Variants in INSL6 observed in about 807,000 individuals in gnomAD.
INSL6 encodes the protein insulin-like peptide INSL6.
INSL6 carries 16 observed loss-of-function variants against 9.4 expected under a neutral mutation model. The observed-to-expected ratio is 1.70, with a 90% confidence interval of 1.15 to 2.59. INSL6 has a LOEUF of 2.59. Ranked by LOEUF, INSL6 falls within the 30% of genes most tolerant of loss-of-function variation. The pLI is 0.00. For missense variants in INSL6, 391 were observed against 257.3 expected, an observed-to-expected ratio of 1.52 and a Z score of -3.56; for synonymous variants, 154 against 96.9, an observed-to-expected ratio of 1.59 and a Z score of -3.46.
At chr9:5,017,202 C>A in the INSL6 span, among the ~76,000 whole-genome samples, 1 of 151,936 alleles carries the variant, frequency 6.6e-6, no homozygotes, top group African/African-American at 2.4e-5. Context: ...AGAGTGAGGG[C>A]AACATATTTT....
At chr9:5,004,983 C>T in the INSL6 span, among the ~76,000 whole-genome samples, 1 of 143,628 alleles carries the variant, frequency 7.0e-6, no homozygotes, top group Non-Finnish European at 1.5e-5. Flanking sequence ...GTGGTGTGAT[C>T]ATAGCTCACT....
the INSL6 span, among the ~76,000 whole-genome samples, chr9:5,037,250 C>G: frequency 6.6e-6 from 1 of 152,136 alleles, no homozygotes; most frequent in Non-Finnish European, 1.5e-5. Context: ...CATTTTTACA[C>G]TGTTGGTGGG....
At chr9:5,096,035 C>CA in the INSL6 span, among the ~76,000 whole-genome samples, 6 of 152,174 alleles carry the variant, frequency 3.9e-5, no homozygotes, top group East Asian at 1.9e-4. Context: ...CAAGAATTTT[C>CA]AAAAAACAAT....
chr9:5,115,975 G>A, the INSL6 span, among the ~76,000 whole-genome samples: 1 of 152,030 alleles, frequency 6.6e-6, no homozygotes. Context: ...GTTGATGGGT[G>A]CAGCAAACCA....
chr9:5,132,369 A>C (rs1437875323), intron 3 of INSL6, among the ~76,000 whole-genome samples: 1 of 152,164 alleles, frequency 6.6e-6, no homozygotes, highest in African/African-American at 2.4e-5. Flanking sequence ...ATTTTTTTCA[A>C]CATCTTTAAT....
intron 1 of INSL6, among the ~76,000 whole-genome samples, chr9:5,184,769 G>C (rs893297198): frequency 1.3e-5 from 2 of 152,162 alleles, no homozygotes; most frequent in Non-Finnish European, 2.9e-5. Context: ...CTATCTCCTG[G>C]TACGTGACCA....
the INSL6 span, among the ~76,000 whole-genome samples, chr9:5,071,767 C>T: frequency 6.6e-6 from 1 of 152,154 alleles, no homozygotes; most frequent in Non-Finnish European, 1.5e-5. Flanking sequence ...ATGTGAGTAA[C>T]AGGAAACAGA....
the INSL6 span, among the ~76,000 whole-genome samples, chr9:5,071,000 C>G: frequency 5.5e-4 from 84 of 152,242 alleles, no homozygotes; most frequent in East Asian, 9.6e-4. Flanking sequence ...AATTCACCCA[C>G]TAGCAAGCAG....
intron 3 of INSL6, among the ~76,000 whole-genome samples, chr9:5,128,607 A>G (rs1824154630): frequency 6.6e-6 from 1 of 151,864 alleles, no homozygotes; most frequent in African/African-American, 2.4e-5. Context: ...TTTCTTAAAC[A>G]TTTTTTTAAA....
chr9:5,173,652 A>C (rs1401551413), intron 1 of INSL6, among the ~76,000 whole-genome samples: 1 of 152,098 alleles, frequency 6.6e-6, no homozygotes, highest in Non-Finnish European at 1.5e-5. Context: ...AAAATAGCTA[A>C]TGCATGCTGA....
the INSL6 span, among the ~76,000 whole-genome samples, chr9:5,093,937 A>C: frequency 1.3e-5 from 2 of 152,150 alleles, no homozygotes; most frequent in South Asian, 4.1e-4. Flanking sequence ...GACAAGAGAA[A>C]TACGGCCCAC....
the INSL6 span, among the ~76,000 whole-genome samples, chr9:5,103,660 C>G: frequency 6.6e-6 from 1 of 151,962 alleles, no homozygotes; most frequent in African/African-American, 2.4e-5. Context: ...AAATAGACCA[C>G]ATAGAAGTAA....
chr9:5,042,248 C>T, the INSL6 span, among the ~76,000 whole-genome samples: 1 of 151,740 alleles, frequency 6.6e-6, no homozygotes, highest in Non-Finnish European at 1.5e-5. Context: ...CGCCATTCTC[C>T]TGCCTCAGCC....
chr9:5,066,077 T>C, the INSL6 span, among the ~76,000 whole-genome samples: 4 of 152,156 alleles, frequency 2.6e-5, no homozygotes, highest in Admixed American at 6.5e-5. Flanking sequence ...TGTGCAAGCA[T>C]TGGTTTGTAT....
At chr9:5,101,630 C>T in the INSL6 span, among the ~76,000 whole-genome samples, 1 of 152,200 alleles carries the variant, frequency 6.6e-6, no homozygotes, top group Non-Finnish European at 1.5e-5. Context: ...CAGTAGAGGC[C>T]AACTGACACC....
chr9:5,112,569 G>A, the INSL6 span: 2 of 656,934 alleles, frequency 3.0e-6, no homozygotes, highest in South Asian at 2.2e-5. Context: ...CCAGGGAGCG[G>A]CTGCGGGTCC....
intron 2 of INSL6, among the ~76,000 whole-genome samples, chr9:5,142,006 G>C (rs1824510656): frequency 6.6e-6 from 1 of 152,128 alleles, no homozygotes; most frequent in Non-Finnish European, 1.5e-5. Context: ...TGTCAGGTTT[G>C]TCGAAAATCA....
chr9:5,166,698 G>C (rs991984615), intron 1 of INSL6, among the ~76,000 whole-genome samples: 1 of 152,094 alleles, frequency 6.6e-6, no homozygotes, highest in East Asian at 1.9e-4. Context: ...AAAAAACACA[G>C]ATATGGGTGG....
At chr9:4,993,691 T>G in the INSL6 span, among the ~76,000 whole-genome samples, 1 of 152,186 alleles carries the variant, frequency 6.6e-6, no homozygotes, top group African/African-American at 2.4e-5. Flanking sequence ...CCATGAAGTT[T>G]CCTCAAGACC....
Sources: gnomAD v4.1 joint callset for allele counts (sites outside exome capture counted in the v4.1 genomes callset) on GRCh38, gnomAD v4.1.1 for gene constraint, MANE v1.5 for transcripts, NCBI Gene and HGNC (gene_info 2026-07-23, HGNC 2026-07-21) for gene names.